The following SLC24A3 variants were observed in gnomAD, a reference collection of about 807,000 sequenced individuals.
SLC24A3 encodes sodium/potassium/calcium exchanger 3.
Under a neutral mutation model 75.8 loss-of-function variants are expected in SLC24A3, and 28 were observed. The ratio of observed to expected loss-of-function variants is 0.37; its 90% confidence interval spans 0.27 to 0.51. The LOEUF (loss-of-function observed/expected upper bound fraction) is 0.51, where lower values mean the gene tolerates loss of function less well. Among genes scored for constraint, SLC24A3 ranks in the 20% least tolerant of loss-of-function variants. SLC24A3 has a pLI of 0.94. For synonymous variants in SLC24A3, 372 were observed against 334.1 expected, an observed-to-expected ratio of 1.11 and a Z score of -1.24; for missense variants, 663 against 847.8, an observed-to-expected ratio of 0.78 and a Z score of 2.71.
chr20:19,252,146 C>T (rs1433919129), intron 1 of SLC24A3, among the ~76,000 whole-genome samples: 2 of 152,132 alleles, frequency 1.3e-5, no homozygotes, highest in Non-Finnish European at 2.9e-5. Context: ...TAGTAAATTC[C>T]TTGTTATCTT....
intron 2 of SLC24A3, among the ~76,000 whole-genome samples, chr20:19,433,518 G>T (rs6035335): frequency 0.46 from 69,283 of 152,046 alleles, 16,515 homozygotes; most frequent in East Asian, 0.92. Context: ...AAATCACAGT[G>T]GTTGGTTTTT....
chr20:19,682,813 C>T (rs1444198734), intron 10 of SLC24A3, among the ~76,000 whole-genome samples: 1 of 152,156 alleles, frequency 6.6e-6, no homozygotes, highest in Non-Finnish European at 1.5e-5. Flanking sequence ...AAGTGCCTTC[C>T]TCTTCAAAGT....
chr20:19,299,690 T>G (rs1227131942), intron 2 of SLC24A3, among the ~76,000 whole-genome samples: 1 of 152,170 alleles, frequency 6.6e-6, no homozygotes, highest in African/African-American at 2.4e-5. Flanking sequence ...ATTTGAGTCC[T>G]GAGTAGAAGT....
At chr20:19,666,367 A>G (rs909012972) in intron 8 of SLC24A3, among the ~76,000 whole-genome samples, 2 of 152,052 alleles carry the variant, frequency 1.3e-5, no homozygotes, top group Admixed American at 1.3e-4. Context: ...TTAGCCGGGC[A>G]TGGTGGTAGG....
intron 15 of SLC24A3, among the ~76,000 whole-genome samples, chr20:19,715,024 G>A (rs1008764385): frequency 1.3e-5 from 2 of 152,194 alleles, no homozygotes; most frequent in Admixed American, 6.5e-5. Flanking sequence ...TATGCGCAGT[G>A]CTGAAAGTTA....
intron 2 of SLC24A3, among the ~76,000 whole-genome samples, chr20:19,395,002 G>A (rs1986428518): frequency 6.6e-6 from 1 of 152,186 alleles, no homozygotes; most frequent in African/African-American, 2.4e-5. Flanking sequence ...TAAACAAAAT[G>A]TGGCGTATAC....
intron 8 of SLC24A3, among the ~76,000 whole-genome samples, chr20:19,670,578 A>G (rs1358876182): frequency 6.6e-6 from 1 of 152,230 alleles, no homozygotes; most frequent in Non-Finnish European, 1.5e-5. Flanking sequence ...ACAATATTTC[A>G]TTAAAGTTGA....
chr20:19,356,759 T>G (rs2179821), intron 2 of SLC24A3, among the ~76,000 whole-genome samples: 81,617 of 151,834 alleles, frequency 0.54, 23,512 homozygotes, highest in African/African-American at 0.75. Flanking sequence ...CTCCAGCATG[T>G]TTCTTCCGAT....
chr20:19,373,209 T>G (rs1986021457), intron 2 of SLC24A3, among the ~76,000 whole-genome samples: 1 of 152,168 alleles, frequency 6.6e-6, no homozygotes, highest in South Asian at 2.1e-4. Flanking sequence ...TGGTGTTTAG[T>G]TCCTGAGAGA....
At chr20:19,444,052 A>G (rs933604649) in intron 2 of SLC24A3, among the ~76,000 whole-genome samples, 1 of 152,196 alleles carries the variant, frequency 6.6e-6, no homozygotes, top group Non-Finnish European at 1.5e-5. Flanking sequence ...AATTAGTGTT[A>G]GATTTTGTTA....
intron 2 of SLC24A3, among the ~76,000 whole-genome samples, chr20:19,432,519 G>A (rs970302834): frequency 2.0e-5 from 3 of 151,924 alleles, no homozygotes; most frequent in Non-Finnish European, 2.9e-5. Flanking sequence ...CCAAGCTGAC[G>A]TCTACCACTC....
At chr20:19,653,277 G>A (rs1445004346) in intron 6 of SLC24A3, among the ~76,000 whole-genome samples, 1 of 152,206 alleles carries the variant, frequency 6.6e-6, no homozygotes, top group Admixed American at 6.5e-5. Context: ...GGGAAAGGCT[G>A]CTTTAGCCTC....
At chr20:19,489,364 TTG>T (rs1988173638) in intron 2 of SLC24A3, among the ~76,000 whole-genome samples, 2 of 152,176 alleles carry the variant, frequency 1.3e-5, no homozygotes, top group African/African-American at 4.8e-5. Context: ...TCTCATTTTA[TTG>T]TGTGTTATTT....
At chr20:19,502,775 A>G (rs957630930) in intron 2 of SLC24A3, among the ~76,000 whole-genome samples, 2 of 150,968 alleles carry the variant, frequency 1.3e-5, no homozygotes, top group Non-Finnish European at 2.9e-5. Flanking sequence ...TTATGCTTGT[A>G]ATCTCAGCAC....
At chr20:19,462,040 G>A (rs954564243) in intron 2 of SLC24A3, among the ~76,000 whole-genome samples, 2 of 152,292 alleles carry the variant, frequency 1.3e-5, no homozygotes, top group East Asian at 1.9e-4. Flanking sequence ...GGTTCAGGGA[G>A]TCCGTGTACA....
chr20:19,593,387 G>A (rs1169439847), intron 6 of SLC24A3, among the ~76,000 whole-genome samples: 4 of 152,188 alleles, frequency 2.6e-5, no homozygotes, highest in Admixed American at 2.6e-4. Context: ...TGAGTTGAAG[G>A]TTAAGTATAG....
chr20:19,631,004 C>A (rs945548565), intron 6 of SLC24A3, among the ~76,000 whole-genome samples: 3 of 152,106 alleles, frequency 2.0e-5, no homozygotes, highest in African/African-American at 7.2e-5. Flanking sequence ...ATCACCATGA[C>A]CATGTCAATA....
chr20:19,216,804 AT>A, intron 1 of SLC24A3, among the ~76,000 whole-genome samples: 1 of 152,100 alleles, frequency 6.6e-6, no homozygotes, highest in East Asian at 1.9e-4. Flanking sequence ...CAGCCACTTA[AT>A]TTTTTTTGCT....
chr20:19,338,944 G>A (rs1166501421), intron 2 of SLC24A3, among the ~76,000 whole-genome samples: 2 of 152,148 alleles, frequency 1.3e-5, no homozygotes, highest in Non-Finnish European at 2.9e-5. Flanking sequence ...AGGCTGGGAA[G>A]GCTTAGTTTT....
Sources: gnomAD v4.1 joint callset for allele counts (sites outside exome capture counted in the v4.1 genomes callset) on GRCh38, gnomAD v4.1.1 for gene constraint, MANE v1.5 for transcripts, NCBI Gene and HGNC (gene_info 2026-07-23, HGNC 2026-07-21) for gene names.